GPATCH3: variants seen among roughly 807,000 people sequenced by gnomAD.
GPATCH3 encodes G-patch domain containing 3.
In GPATCH3, 45 loss-of-function variants were observed where a neutral mutation model predicts 53.2. The ratio of observed to expected loss-of-function variants is 0.85; its 90% CI spans 0.67 to 1.08. GPATCH3 has a LOEUF of 1.08. GPATCH3 is among the 50% of genes least tolerant of loss of function. The probability of loss-of-function intolerance (pLI) is 0.00; values close to 1 mark genes in which losing one functional copy is unlikely to be tolerated. For missense variants in GPATCH3, 680 were observed against 687.2 expected (o/e 0.99, Z 0.12); for synonymous variants, 280 against 270.6 (o/e 1.03, Z -0.34).
intron 2 of GPATCH3, among the ~76,000 whole-genome samples, chr1:26,896,049 A>G (rs2081949448): frequency 6.6e-6 from 1 of 152,214 alleles, no homozygotes; most frequent in Non-Finnish European, 1.5e-5. Context: ...AGTTTGGAGA[A>G]AGGAACCAAA....
intron 1 of GPATCH3, among the ~76,000 whole-genome samples, chr1:26,899,400 T>A (rs1360389445): frequency 6.6e-6 from 1 of 152,234 alleles, no homozygotes; most frequent in Non-Finnish European, 1.5e-5. Flanking sequence ...ATGCTAACAA[T>A]TAGAATGACA....
rs772975044 is a variant in GPATCH3, at chr1:26,890,966, G to A, written c.*44C>T. On this transcript the variant is annotated 3_prime_UTR_variant, in exon 7 of 7. Transcript: ENST00000361720. The stretch of plus-strand genomic sequence containing the variant: ...TTCAGTGGTAGATGAGGCCAGGGCA[G>A]AGGGTTTTCATCATGTAGCTATGAA... 140 of 1,547,344 alleles carry A rather than the reference G, an allele frequency of 9.0e-5. No individual in the cohort carries two copies. Among genetic ancestry groups the A allele is most frequent in the Non-Finnish European group, 1.2e-4 (136 of 1,119,832 alleles).
intron 4 of GPATCH3, 145 bp from the exon 5 acceptor site, chr1:26,892,936 T>G (rs534087177): frequency 1.1e-6 from 1 of 936,212 alleles, no homozygotes; most frequent in Non-Finnish European, 1.6e-6. Flanking sequence ...TCCCCAAAAG[T>G]AGGAACCATG....
rs1363079239 is a variant in GPATCH3 at position 26,897,700 on chromosome 1, G to A, written c.477C>T (p.Thr159=). ...ASGLGSFPFK[T]RKELQSWKAE... ...CCTTCCAACTCTGCAGTTCCTTCCGGGTCTTGAAGGGAAAGGAGCCCAGAC... is the reference window on the plus strand; with the variant it reads ...CCTTCCAACTCTGCAGTTCCTTCCGAGTCTTGAAGGGAAAGGAGCCCAGAC... Residue 159 remains threonine (T), a synonymous_variant, in exon 2 of 7, where the codon ACC becomes ACT. Coordinates refer to ENST00000361720, the MANE Select transcript of GPATCH3 (RefSeq NM_022078.3). 6.2e-7 allele frequency: 1 copy of A among 1,612,772 alleles called. No homozygotes were observed. The highest frequency in any genetic ancestry group is 8.5e-7 in the Non-Finnish European group (1 of 1,179,262).
Position 26,900,098 on chromosome 1 carries a change from C to G in GPATCH3, c.345G>C (p.Gln115His), listed in dbSNP as rs2081968569. ...VISVRGLAQAQRLIRMYSGRR... is the reference protein window; with the variant it reads ...VISVRGLAQAHRLIRMYSGRR... ...GGCCCGAGTACATGCGAATAAGCCT[C>G]TGAGCTTGAGCCAACCCCCTTACCG... Residue 115 changes from glutamine to histidine, a missense_variant, in exon 1 of 7, where the codon CAG becomes CAC. Gln to His is a conservative substitution (Grantham distance 24). Coordinates refer to ENST00000361720, the MANE Select transcript of GPATCH3 (RefSeq NM_022078.3). 3 of 1,614,220 alleles carry G rather than the reference C, an allele frequency of 1.9e-6. No individual in the cohort carries two copies. Among genetic ancestry groups the G allele is most frequent in the African/African-American group, 1.3e-5 (1 of 75,072 alleles).
Position 26,892,711 on chromosome 1 carries a change from C to T in GPATCH3, c.1192G>A (p.Val398Met). The T allele has an allele frequency of 6.2e-7, 1 of 1,614,232 alleles. No homozygotes were observed. The highest frequency in any genetic ancestry group is 8.5e-7 in the Non-Finnish European group (1 of 1,180,048). ...RLRDGQEDGS[V>M]IERQVGTFER... Reference sequence around the variant, plus strand: ...AAGGTGCCCACCTGGCGTTCGATCACAGAGCCATCTTCCTGTCCATCTCGG... The same window carrying T: ...AAGGTGCCCACCTGGCGTTCGATCATAGAGCCATCTTCCTGTCCATCTCGG... Residue 398 changes from valine to methionine, a missense_variant, in exon 5 of 7, where the codon GTG becomes ATG. Coordinates refer to ENST00000361720, the MANE Select transcript of GPATCH3 (RefSeq NM_022078.3).
intron 1 of GPATCH3, among the ~76,000 whole-genome samples, chr1:26,898,933 G>C (rs1456186872): frequency 2.0e-5 from 3 of 152,108 alleles, no homozygotes; most frequent in Non-Finnish European, 4.4e-5. Flanking sequence ...CCAAAGTGCT[G>C]GGATTACAGG....
chr1:26,896,797 C>A (rs528720134), intron 2 of GPATCH3, among the ~76,000 whole-genome samples: 3 of 150,902 alleles, frequency 2.0e-5, no homozygotes, highest in Non-Finnish European at 4.4e-5. Flanking sequence ...CTGAGGCAGG[C>A]GGGTCACGAG....
In GPATCH3 at chr1:26,891,178, A is replaced by G. The variant is rs530319645; in HGVS notation, c.1410T>C (p.Arg470=). The G allele has an allele frequency of 1.2e-5, 20 of 1,613,972 alleles. No individual in the cohort carries two copies. The highest frequency in any genetic ancestry group is 2.2e-5 in the East Asian group (1 of 44,876). The change falls in exon 7 of 7, where the codon CGT becomes CGC. Residue 470 remains arginine, a synonymous_variant. Coordinates refer to ENST00000361720, the MANE Select transcript of GPATCH3 (RefSeq NM_022078.3). Reference sequence around the variant, plus strand: ...TGGAGATGAGCCCCAAGCCATTTCTACGGGGCCTCTTCAGTTGCCCAAATG... The same window carrying G: ...TGGAGATGAGCCCCAAGCCATTTCTGCGGGGCCTCTTCAGTTGCCCAAATG... ...LQPFGQLKRP[R]RNGLGLISTI...
rs751027814 is a variant in GPATCH3 at position 26,900,201 on chromosome 1, G to C, written c.242C>G (p.Thr81Ser). The change falls in exon 1 of 7, where the codon ACT (threonine) becomes AGT (serine). Residue 81 changes from threonine to serine, a missense_variant. Thr to Ser is a moderately conservative substitution (Grantham distance 58). Transcript: ENST00000361720. ...GAGAGGCCGGACATCGGTGGCCGAAGTCTGAGAGAGAAGCTGGCCCTCAGC... is the reference window on the plus strand; with the variant it reads ...GAGAGGCCGGACATCGGTGGCCGAACTCTGAGAGAGAAGCTGGCCCTCAGC... Reference protein sequence around the residue: ...PAAEGQLLSQTSATDVRPLST... With the variant: ...PAAEGQLLSQSSATDVRPLST... 6 of 1,614,068 alleles carry C rather than the reference G, an allele frequency of 3.7e-6. No homozygotes were observed. The African/African-American group carries it at 6.7e-5, about 18-fold the overall frequency.
In GPATCH3 at chr1:26,896,939, G is replaced by A. The variant is rs182038644; in HGVS notation, c.876+362C>T. 4.4e-3 allele frequency among the ~76,000 whole-genome samples: 655 copies of A among 148,562 alleles called. 6 individuals are homozygous for A. The highest frequency in any genetic ancestry group is 5.4e-3 in the Non-Finnish European group (363 of 67,258). Reference sequence around the variant, plus strand: ...TGGGAGGCTGAGGCAGGAGAATGGCGTGAACCCAGGAGGCAGAGCTTGCAG... The same window carrying A: ...TGGGAGGCTGAGGCAGGAGAATGGCATGAACCCAGGAGGCAGAGCTTGCAG... On this transcript the variant is annotated intron_variant, in intron 2 of 6. Transcript: ENST00000361720.
Position 26,891,025 on chromosome 1 carries a change from G to A in GPATCH3, c.1563C>T (p.Pro521=), listed in dbSNP as rs200641480. 14 of 1,614,030 alleles carry A rather than the reference G, an allele frequency of 8.7e-6. No homozygotes were observed. In the East Asian group the frequency reaches 2.5e-4, roughly 28 times the overall value. ...CCCAACCCGGTCAGTCAGGCAATGA[G>A]GGGCTGTCTGAAGCACAACTGGAAC... is the stretch of plus-strand genomic sequence containing the variant. The part of the protein sequence containing the change: ...VRGSSCASDS[P]SLPD The change falls in exon 7 of 7, where the codon CCC becomes CCT. Residue 521 remains proline, a synonymous_variant. Transcript: ENST00000361720.
chr1:26,893,419 CCCAGT>C lies in GPATCH3; in HGVS notation c.1076_1080del (p.Asp359GlyfsTer9). The C allele has an allele frequency of 5.6e-6, 9 of 1,613,576 alleles. No homozygotes were observed. Among genetic ancestry groups the C allele is most frequent in the Non-Finnish European group, 7.6e-6 (9 of 1,179,508 alleles). On this transcript the variant is annotated frameshift_variant, in exon 4 of 7. Coordinates refer to ENST00000361720, the MANE Select transcript of GPATCH3 (RefSeq NM_022078.3). LOFTEE classifies it high-confidence loss of function. ...TCATAGTACACACTCATGTCCACAT[CCCAGT>C]CATCGGCTGTCTGTTCATCAAAATC...
chr1:26,900,036 C>T lies in GPATCH3; in HGVS notation c.407G>A (p.Gly136Asp), dbSNP rs1465844078. 1.9e-6 allele frequency: 3 copies of T among 1,614,180 alleles called. No homozygotes were observed. The highest frequency in any genetic ancestry group is 2.2e-5 in the East Asian group (1 of 44,878). Residue 136 changes from glycine to aspartate, a missense_variant, in exon 1 of 7, where the codon GGT (glycine) becomes GAT (aspartate). Gly to Asp is a moderately conservative substitution (Grantham distance 94, BLOSUM62 -1). Transcript: ENST00000361720. ...CCGAAGTCTGCGGATGAGACAGCGA[C>T]CCGGTAGCCAAGTCCCGTGAGAATC... ...WLDSHGTWLP[G>D]RCLIRRLRLP... is the part of the protein sequence containing the mutation.
intron 2 of GPATCH3, among the ~76,000 whole-genome samples, chr1:26,895,718 A>G (rs2081948303): frequency 6.7e-6 from 1 of 149,612 alleles, no homozygotes; most frequent in Admixed American, 6.7e-5. Flanking sequence ...GCTCACTGCA[A>G]CCTCCACCTC....
rs2081969474 is a variant in GPATCH3, at chr1:26,900,225, G to GC, written c.217dup (p.Ala73GlyfsTer2). 1 of 1,614,206 alleles carries GC rather than the reference G, an allele frequency of 6.2e-7. No individual in the cohort carries two copies. The highest frequency in any genetic ancestry group is 8.5e-7 in the Non-Finnish European group (1 of 1,180,042). ...AGTCTGAGAGAGAAGCTGGCCCTCA[G>GC]CGGCTGGGTCGGTAGGAATTAGGGC... On this transcript the variant is annotated frameshift_variant, in exon 1 of 7. Coordinates refer to ENST00000361720, the MANE Select transcript of GPATCH3 (RefSeq NM_022078.3). LOFTEE classifies it high-confidence loss of function.
intron 2 of GPATCH3, among the ~76,000 whole-genome samples, chr1:26,895,544 GGAAA>G (rs887595360): frequency 5.0e-5 from 7 of 140,408 alleles, no homozygotes; most frequent in African/African-American, 1.5e-4. Flanking sequence ...AAAAAAAAAA[GGAAA>G]GGAAGGAAGG....
At position 26,892,464 on chromosome 1, in the gene GPATCH3, C is replaced by T. The variant is rs1357939968; in HGVS notation, c.1308G>A (p.Val436=). Residue 436 remains valine (V), a synonymous_variant, in exon 6 of 7, where the codon GTG becomes GTA. Transcript: ENST00000361720. ...GQGLGCRCSG[V]PEALDSDGQH... ...GGCCATCACTATCCAGGGCCTCAGG[C>T]ACCCCTGAGCACCTGCAGCCCAGGC... The T allele has an allele frequency of 1.4e-5, 22 of 1,613,970 alleles. No homozygotes were observed. Among genetic ancestry groups the T allele is most frequent in the Non-Finnish European group, 1.9e-5 (22 of 1,179,868 alleles).
At position 26,893,400 on chromosome 1, in the gene GPATCH3, T is replaced by C. The variant is rs754190258; in HGVS notation, c.1100A>G (p.Tyr367Cys). The change falls in exon 4 of 7, where the codon TAC (tyrosine) becomes TGC (cysteine). Residue 367 changes from tyrosine to cysteine, a missense_variant. Coordinates refer to ENST00000361720, the MANE Select transcript of GPATCH3 (RefSeq NM_022078.3). Reference protein sequence around the residue: ...ADDWDVDMSVYYDRDGGDKDA... With the variant: ...ADDWDVDMSVCYDRDGGDKDA... ...TCCTTGCCCAGTACCTCTGTCATAGTACACACTCATGTCCACATCCCAGTC... is the reference window on the plus strand; with the variant it reads ...TCCTTGCCCAGTACCTCTGTCATAGCACACACTCATGTCCACATCCCAGTC... 1 of 1,613,420 alleles carries C rather than the reference T, an allele frequency of 6.2e-7. No individual in the cohort carries two copies. The highest frequency in any genetic ancestry group is 8.5e-7 in the Non-Finnish European group (1 of 1,179,368).
Sources: allele counts gnomAD v4.1 joint callset (sites outside exome capture counted in the v4.1 genomes callset), GRCh38; gene constraint gnomAD v4.1.1; transcripts MANE v1.5; gene names NCBI Gene and HGNC (gene_info 2026-07-23, HGNC 2026-07-21).